PSIP1: variants seen among roughly 807,000 people sequenced by gnomAD.
PSIP1 encodes PC4 and SFRS1-interacting protein.
Under a neutral mutation model 74.7 loss-of-function variants are expected in PSIP1, and 19 were observed. The observed-to-expected ratio is 0.25, with a 90% CI of 0.18 to 0.37. PSIP1 has a LOEUF of 0.37. Ranked by LOEUF, PSIP1 falls within the 10% of genes least tolerant of loss-of-function variation. The probability of loss-of-function intolerance (pLI) is 1.00; values close to 1 mark genes in which losing one functional copy is unlikely to be tolerated. For synonymous variants in PSIP1, 222 were observed against 195.3 expected (o/e 1.14, Z -1.14); for missense variants, 601 against 614.3 (o/e 0.98, Z 0.23).
chr9:15,482,331 A>C (rs2036371807), intron 6 of PSIP1, among the ~76,000 whole-genome samples: 1 of 152,134 alleles, frequency 6.6e-6, no homozygotes, highest in African/African-American at 2.4e-5. Context: ...ATGCAATCTC[A>C]GTTGAGATCT....
chr9:15,477,150 A>C (rs1198668358), intron 8 of PSIP1, among the ~76,000 whole-genome samples: 1 of 152,204 alleles, frequency 6.6e-6, no homozygotes, highest in Non-Finnish European at 1.5e-5. Context: ...TCACCTGTTA[A>C]GTATCCAATT....
chr9:15,475,879 T>G (rs1389838552), intron 8 of PSIP1, among the ~76,000 whole-genome samples: 1 of 152,190 alleles, frequency 6.6e-6, no homozygotes, highest in African/African-American at 2.4e-5. Context: ...TTTCTTAATC[T>G]TTTAATATAT....
Position 15,465,390 on chromosome 9 carries a change from A to AT in PSIP1, c.*129dup, listed in dbSNP as rs2035548146. On this transcript the variant is annotated 3_prime_UTR_variant, in exon 16 of 16. Transcript: ENST00000380733. ...GTTTACTTTACTTTAAAACAAAGGG[A>AT]TTTTCTCCCTCAAAACAAGTTTTCA... The AT allele has an allele frequency of 5.2e-6, 4 of 766,350 alleles. No homozygotes were observed. The highest frequency in any genetic ancestry group is 6.4e-6 in the Non-Finnish European group (3 of 468,370). The allele number at this position is 766,350 out of a possible 1,614,324, so 47.5% of individuals were successfully genotyped here.
At position 15,471,244 on chromosome 9, in the gene PSIP1, T is replaced by C. The variant is rs756560592; in HGVS notation, c.978-1251A>G. ...ACATGTTGTTTGGCTGGGAATACAA[T>C]ACAATAAACTTTATTTTGCATAATG... On this transcript the variant is annotated intron_variant, in intron 10 of 15. Coordinates refer to ENST00000380733, the MANE Select transcript of PSIP1 (RefSeq NM_033222.5). The C allele has an allele frequency of 1.0e-5, 16 of 1,596,832 alleles. No individual in the cohort carries two copies. The African/African-American group carries it at 1.7e-4, about 17-fold the overall frequency.
chr9:15,495,296 T>C (rs1446848789), intron 3 of PSIP1, among the ~76,000 whole-genome samples: 1 of 145,488 alleles, frequency 6.9e-6, no homozygotes, highest in African/African-American at 2.9e-5. Flanking sequence ...AGTTACTGTA[T>C]AAAAGATAAA....
intron 8 of PSIP1, among the ~76,000 whole-genome samples, chr9:15,475,911 T>C (rs980101612): frequency 2.0e-5 from 3 of 152,294 alleles, no homozygotes; most frequent in Middle Eastern, 3.4e-3. Context: ...CAAAGACTAA[T>C]GCAAACACAA....
At chr9:15,470,180 A>G (rs2035766001) in intron 10 of PSIP1, among the ~76,000 whole-genome samples, 187 bp from the exon 11 acceptor site, 2 of 152,194 alleles carry the variant, frequency 1.3e-5, no homozygotes, top group African/African-American at 4.8e-5. Context: ...TCTAATTAAC[A>G]TGCTAGATTA....
chr9:15,476,671 C>CAA (rs1161069711), intron 8 of PSIP1, among the ~76,000 whole-genome samples: 8 of 152,130 alleles, frequency 5.3e-5, no homozygotes, highest in African/African-American at 1.7e-4. Context: ...CCTATAAACT[C>CAA]AAAGTATCTG....
At chr9:15,507,755 C>T (rs2037663256) in intron 2 of PSIP1, among the ~76,000 whole-genome samples, 1 of 152,124 alleles carries the variant, frequency 6.6e-6, no homozygotes, top group Non-Finnish European at 1.5e-5. Flanking sequence ...GGGGGTTGAC[C>T]ATCAGAGGAC....
At position 15,471,405 on chromosome 9, in the gene PSIP1, A is replaced by C. The variant is rs536219937; in HGVS notation, c.977+1227T>G. On this transcript the variant is annotated intron_variant, in intron 10 of 15. Transcript: ENST00000380733. ...GTTACATTGGAGGACATTCAAAAGA[A>C]ACTGAAATACATAAAGATAACTTTA... 2.2e-4 allele frequency: 330 copies of C among 1,499,028 alleles called. 2 individuals are homozygous for C. In the African/African-American group the frequency reaches 4.1e-3, roughly 19 times the overall value. The allele number at this position is 1,499,028 out of a possible 1,614,324, so 92.9% of individuals were successfully genotyped here.
At chr9:15,494,652 A>G (rs1436442840) in intron 3 of PSIP1, among the ~76,000 whole-genome samples, 1 of 151,532 alleles carries the variant, frequency 6.6e-6, no homozygotes, top group African/African-American at 2.4e-5. Context: ...TATTATTTAA[A>G]TTCTGTAACA....
chr9:15,474,034 T>C lies in PSIP1; in HGVS notation c.833A>G (p.Glu278Gly), dbSNP rs148785652. Reference protein sequence around the residue: ...GVTSTSDSEEEGDDQEGEKKR... With the variant: ...GVTSTSDSEEGGDDQEGEKKR... ...CTTTTCACCTTCTTGATCATCTCCT[T>C]CTTCTTCAGAATCGGAGGTTGAAGT... The change falls in exon 9 of 16, where the codon GAA becomes GGA. Residue 278 changes from glutamate to glycine, a missense_variant. Physicochemically the swap from Glu to Gly is moderately conservative, Grantham distance 98. Transcript: ENST00000380733. 2.1e-4 allele frequency: 340 copies of C among 1,612,772 alleles called. 1 individual carries two copies. The highest frequency in any genetic ancestry group is 3.7e-4 in the South Asian group (34 of 90,918).
chr9:15,487,462 G>T (rs768703929), intron 4 of PSIP1, among the ~76,000 whole-genome samples: 2 of 151,936 alleles, frequency 1.3e-5, no homozygotes, highest in African/African-American at 2.4e-5. Context: ...AGGCATGGTG[G>T]CACGCGCCTG....
intron 3 of PSIP1, among the ~76,000 whole-genome samples, chr9:15,494,177 C>CT (rs2036965898): frequency 6.6e-6 from 1 of 152,144 alleles, no homozygotes; most frequent in Non-Finnish European, 1.5e-5. Flanking sequence ...TGCTAAAATT[C>CT]TTTAAGAATT....
At chr9:15,473,559 G>GATATTT (rs2035934694) in intron 9 of PSIP1, among the ~76,000 whole-genome samples, 2 of 152,154 alleles carry the variant, frequency 1.3e-5, no homozygotes, top group Non-Finnish European at 2.9e-5. Context: ...AACTGCCACT[G>GATATTT]ATATTTATAG....
intron 10 of PSIP1, chr9:15,470,627 A>C: frequency 1.0e-6 from 1 of 953,650 alleles, no homozygotes; most frequent in Non-Finnish European, 1.3e-6. Context: ...AAAATATCTA[A>C]AAATCAGGTT....
intron 3 of PSIP1, among the ~76,000 whole-genome samples, chr9:15,495,365 T>G (rs894338218): frequency 6.6e-6 from 1 of 152,170 alleles, no homozygotes; most frequent in Admixed American, 6.6e-5. Context: ...AAAAGGACCA[T>G]GCAAGGCAAT....
chr9:15,502,473 A>G (rs2037393405), intron 3 of PSIP1, among the ~76,000 whole-genome samples: 1 of 152,202 alleles, frequency 6.6e-6, no homozygotes, highest in Non-Finnish European at 1.5e-5. Context: ...ACAGGGTCTT[A>G]CTATGTTACA....
rs2035581518 is a variant in PSIP1, at chr9:15,465,762, T to C, written c.1533-182A>G. 1.1e-5 allele frequency: 6 copies of C among 531,898 alleles called. No individual in the cohort carries two copies. The South Asian group carries it at 1.8e-4, about 16-fold the overall frequency. The allele number at this position is 531,898 out of a possible 1,614,324, so 32.9% of individuals were successfully genotyped here. On this transcript the variant is annotated intron_variant, in intron 15 of 15. Coordinates refer to ENST00000380733, the MANE Select transcript of PSIP1 (RefSeq NM_033222.5). ...ATTTTTTTCTTCTTCAAAACTGTTA[T>C]TTTACCATGTTGTATCTTCTTCCCA... is the stretch of plus-strand genomic sequence containing the variant.
Sources: allele counts gnomAD v4.1 joint callset (sites outside exome capture counted in the v4.1 genomes callset), GRCh38; gene constraint gnomAD v4.1.1; transcripts MANE v1.5; gene names NCBI Gene and HGNC (gene_info 2026-07-23, HGNC 2026-07-21).